UGT1A5: variants seen among roughly 807,000 people sequenced by gnomAD.
UGT1A5 encodes the protein UDP-glucuronosyltransferase 1A5.
UGT1A5 carries 29 observed loss-of-function variants against 40.3 expected under a neutral mutation model. The ratio of observed to expected loss-of-function variants is 0.72; its 90% CI spans 0.54 to 0.98. The LOEUF (loss-of-function observed/expected upper bound fraction) is 0.98. Ranked by LOEUF, UGT1A5 falls within the 50% of genes least tolerant of loss-of-function variation. The probability of loss-of-function intolerance (pLI) is 0.00; values close to 1 mark genes in which losing one functional copy is unlikely to be tolerated. For missense variants in UGT1A5, 678 were observed against 677.9 expected, an observed-to-expected ratio of 1.00 and a Z score of 0.00; for synonymous variants, 257 against 262.5, an observed-to-expected ratio of 0.98 and a Z score of 0.20.
rs146432524 is a variant in UGT1A5, at chr2:233,729,522, A to G, written c.867+15664A>G. On this transcript the variant is annotated intron_variant, in intron 1 of 4. Coordinates refer to ENST00000373414, the MANE Select transcript of UGT1A5 (RefSeq NM_019078.2). ...ATCATAGGTCTTGTGTGGAGCTACT[A>G]CATAATGAGGCCCTGATCAGGCACC... 1,184 of 1,614,192 alleles carry G rather than the reference A, an allele frequency of 7.3e-4. 2 individuals carry two copies. Among genetic ancestry groups the G allele is most frequent in the Non-Finnish European group, 9.8e-4 (1,156 of 1,180,024 alleles).
chr2:233,755,013 G>C, intron 1 of UGT1A5: 1 of 1,294,530 alleles, frequency 7.7e-7, no homozygotes, highest in Non-Finnish European at 1.0e-6. Context: ...CTACTCGAAG[G>C]GGTCCTTGAA....
chr2:233,723,456 C>T (rs548922303), intron 1 of UGT1A5, among the ~76,000 whole-genome samples: 9 of 138,712 alleles, frequency 6.5e-5, no homozygotes, highest in South Asian at 2.7e-4. Flanking sequence ...GTGATCCACC[C>T]GCCTCAGCCT....
chr2:233,715,132 C>A (rs2076434193), intron 1 of UGT1A5, among the ~76,000 whole-genome samples: 1 of 152,136 alleles, frequency 6.6e-6, no homozygotes, highest in Non-Finnish European at 1.5e-5. Flanking sequence ...GTGATTCACT[C>A]ACCTCAGCCT....
intron 1 of UGT1A5, among the ~76,000 whole-genome samples, chr2:233,734,449 A>ATTTTGTTGATC (rs2078526533): frequency 6.6e-6 from 1 of 150,978 alleles, no homozygotes; most frequent in Admixed American, 6.6e-5. Context: ...AGGTCTATCA[A>ATTTTGTTGATC]TTTTCAAAAT....
intron 1 of UGT1A5, among the ~76,000 whole-genome samples, chr2:233,732,521 T>C (rs2078280152): frequency 6.6e-6 from 1 of 152,252 alleles, no homozygotes; most frequent in South Asian, 2.1e-4. Flanking sequence ...TCCAGCTTTC[T>C]ACATATGGCC....
intron 1 of UGT1A5, among the ~76,000 whole-genome samples, chr2:233,732,370 CTA>C (rs2078265306): frequency 6.6e-6 from 1 of 152,226 alleles, no homozygotes; most frequent in African/African-American, 2.4e-5. Context: ...TGGCCCATGC[CTA>C]TGTCTTCTAG....
rs146196081 is a variant in UGT1A5 at position 233,726,249 on chromosome 2, T to G, written c.867+12391T>G. ...TTTTTAAAACTCCAATATGAAAAGC[T>G]GGGTGCAGTGGCATGCGCCTATGGT... On this transcript the variant is annotated intron_variant, in intron 1 of 4. Transcript: ENST00000373414. Among the ~76,000 whole-genome samples, 3 of 152,316 alleles carry G rather than the reference T, an allele frequency of 2.0e-5. No individual in the cohort carries two copies. In the East Asian group the frequency reaches 5.8e-4, roughly 29 times the overall value.
chr2:233,747,268 C>T lies in UGT1A5; in HGVS notation c.868-19766C>T, dbSNP rs567491863. On this transcript the variant is annotated intron_variant, in intron 1 of 4. Coordinates refer to ENST00000373414, the MANE Select transcript of UGT1A5 (RefSeq NM_019078.2). ...GTGGCTGGCCACAGGAGTGCTACTC[C>T]TTCTCAGTGCCCAGCCCTGGGCTGA... 3.1e-6 allele frequency: 5 copies of T among 1,599,420 alleles called. No individual in the cohort carries two copies. In the African/African-American group the frequency reaches 4.0e-5, roughly 13 times the overall value.
Position 233,724,773 on chromosome 2 carries a change from C to T in UGT1A5, c.867+10915C>T, listed in dbSNP as rs1185900341. 1.4e-5 allele frequency among the ~76,000 whole-genome samples: 2 copies of T among 142,472 alleles called. 1 individual carries two copies. Among genetic ancestry groups the T allele is most frequent in the African/African-American group, 5.4e-5 (2 of 37,242 alleles). 93.5% of individuals were successfully genotyped at this position (142,472 alleles called of 152,430 possible). ...CAGACGATGGGCGGCCAGGCAGAGACACTCCTCACTTCCCAGACGGGGTGG... is the reference window on the plus strand; with the variant it reads ...CAGACGATGGGCGGCCAGGCAGAGATACTCCTCACTTCCCAGACGGGGTGG... On this transcript the variant is annotated intron_variant, in intron 1 of 4. Transcript: ENST00000373414.
chr2:233,747,006 G>A (rs563411016), intron 1 of UGT1A5, among the ~76,000 whole-genome samples: 4 of 151,972 alleles, frequency 2.6e-5, no homozygotes, highest in Admixed American at 2.0e-4. Flanking sequence ...TTTTCAAGTA[G>A]GAGTGATCGG....
intron 1 of UGT1A5, chr2:233,722,095 C>CCTG: frequency 9.6e-6 from 2 of 207,736 alleles, no homozygotes; most frequent in South Asian, 8.3e-5. Context: ...CACCTTAGGC[C>CCTG]TCTTAGAGGA....
chr2:233,713,818 T>C lies in UGT1A5; in HGVS notation c.827T>C (p.Ile276Thr), dbSNP rs147668404. 307 of 1,614,106 alleles carry C rather than the reference T, an allele frequency of 1.9e-4. 1 individual carries two copies. The highest frequency in any genetic ancestry group is 2.1e-4 in the Non-Finnish European group (243 of 1,179,982). Residue 276 changes from isoleucine to threonine, a missense_variant, in exon 1 of 5, where the codon ATT becomes ACT. Ile to Thr is a moderately conservative substitution (Grantham distance 89). Transcript: ENST00000373414. ...CCGATCATGCCCAACATGGTCTTCA[T>C]TGGGGGCATCAACTGTGCCAACGGG... ...PRPIMPNMVFIGGINCANGKP... is the reference protein window; with the variant it reads ...PRPIMPNMVFTGGINCANGKP...
In UGT1A5 at chr2:233,713,249, G is replaced by T; in HGVS notation, c.258G>T (p.Gln86His). 6.2e-7 allele frequency: 1 copy of T among 1,614,250 alleles called. No individual in the cohort carries two copies. The highest frequency in any genetic ancestry group is 1.7e-5 in the Admixed American group (1 of 60,032). ...CAACGTATGCCATTTCATGGACCCA[G>T]GACGAATTTGATCGCCTTTTGCTGG... ...TLTTYAISWT[Q>H]DEFDRLLLGH... The change falls in exon 1 of 5, where the codon CAG becomes CAT. Residue 86 changes from glutamine (Q) to histidine (H), a missense_variant. Gln to His is a conservative substitution (Grantham distance 24). Coordinates refer to ENST00000373414, the MANE Select transcript of UGT1A5 (RefSeq NM_019078.2).
At chr2:233,760,155 C>A (rs2125979369) in intron 1 of UGT1A5, 1 of 1,487,916 alleles carries the variant, frequency 6.7e-7, no homozygotes, top group South Asian at 1.3e-5. Flanking sequence ...GAACTCCCTG[C>A]TACCTTTGTG....
chr2:233,769,756 A>G lies in UGT1A5; in HGVS notation c.1307+1317A>G. 2 of 1,425,682 alleles carry G rather than the reference A, an allele frequency of 1.4e-6. No individual in the cohort carries two copies. Among genetic ancestry groups the G allele is most frequent in the Non-Finnish European group, 1.8e-6 (2 of 1,086,462 alleles). The allele number at this position is 1,425,682 out of a possible 1,614,324, so 88.3% of individuals were successfully genotyped here. ...TGTAGTCCCAGCCACTCTGGAGGCT[A>G]AGGCGGGAGGATTGCTTGAGCCCAG... On this transcript the variant is annotated intron_variant, in intron 4 of 4. Transcript: ENST00000373414. The surrounding 1 kb of genome is among the most constrained non-coding windows in gnomAD (Gnocchi z 4.4).
At position 233,747,852 on chromosome 2, in the gene UGT1A5, A is replaced by G. The variant is rs1025681492; in HGVS notation, c.868-19182A>G. The G allele has an allele frequency of 1.3e-5, 21 of 1,613,396 alleles. 1 individual carries two copies. The African/African-American group carries it at 1.9e-4, about 14-fold the overall frequency. On this transcript the variant is annotated intron_variant, in intron 1 of 4. Coordinates refer to ENST00000373414, the MANE Select transcript of UGT1A5 (RefSeq NM_019078.2). ...GACATTCCTGCAAAGGGTCAAGAAC[A>G]TGCTCTACCCTCTGGCCCTGTCCTA...
intron 1 of UGT1A5, among the ~76,000 whole-genome samples, chr2:233,724,132 C>T (rs1385895919): frequency 3.1e-4 from 38 of 120,742 alleles, no homozygotes; most frequent in South Asian, 1.8e-3. Flanking sequence ...CCTCACCTCC[C>T]GGACGGGGCG....
chr2:233,729,973 A>C, intron 1 of UGT1A5: 1 of 1,614,080 alleles, frequency 6.2e-7, no homozygotes, highest in East Asian at 2.2e-5. Context: ...CAACTGTGCC[A>C]ACAGGAAGCC....
chr2:233,716,913 A>C (rs1022916140), intron 1 of UGT1A5, among the ~76,000 whole-genome samples: 1 of 152,088 alleles, frequency 6.6e-6, no homozygotes, highest in Non-Finnish European at 1.5e-5. Flanking sequence ...AGACCCTGGA[A>C]GCTGATGCCT....
Sources: gnomAD v4.1 joint callset for allele counts (sites outside exome capture counted in the v4.1 genomes callset) on GRCh38, gnomAD v4.1.1 for gene constraint, Gnocchi (gnomAD v3.1) non-coding constraint, MANE v1.5 for transcripts, NCBI Gene and HGNC (gene_info 2026-07-23, HGNC 2026-07-21) for gene names.